Variants in RBBP5 observed in about 807,000 individuals in gnomAD.
RBBP5 encodes the protein retinoblastoma-binding protein 5.
A neutral mutation model predicts 72.2 loss-of-function variants in RBBP5; 5 were observed. That is an observed-to-expected ratio of 0.07 (90% CI 0.04 to 0.15). The LOEUF is 0.15. RBBP5 is among the 10% of genes least tolerant of loss of function. The probability of loss-of-function intolerance (pLI) is 1.00; values close to 1 mark genes in which losing one functional copy is unlikely to be tolerated. For missense variants in RBBP5, 322 were observed against 652.2 expected, an observed-to-expected ratio of 0.49 and a Z score of 5.51; for synonymous variants, 209 against 237.2, an observed-to-expected ratio of 0.88 and a Z score of 1.09.
chr1:205,109,108 G>C (rs1656199899), intron 3 of RBBP5, among the ~76,000 whole-genome samples: 1 of 152,130 alleles, frequency 6.6e-6, no homozygotes, highest in South Asian at 2.1e-4. Flanking sequence ...GACTCTGTGT[G>C]TCTCTTCTAC....
Position 205,088,425 on chromosome 1 carries a change from G to A in RBBP5, c.*362C>T, listed in dbSNP as rs1558567706. 7 of 205,798 alleles carry A rather than the reference G, an allele frequency of 3.4e-5. No individual in the cohort carries two copies. Among genetic ancestry groups the A allele is most frequent in the Middle Eastern group, 1.6e-3 (1 of 616 alleles). 12.7% of individuals were successfully genotyped at this position (205,798 alleles called of 1,614,324 possible). ...GAGGACCGAAGGCAAATGGGAGATA[G>A]GAAATGACATGTCAAAATGACGCTG... is the stretch of plus-strand genomic sequence containing the variant. On this transcript the variant is annotated 3_prime_UTR_variant, in exon 14 of 14. Transcript: ENST00000264515.
intron 5 of RBBP5, among the ~76,000 whole-genome samples, 154 bp downstream of exon 5, chr1:205,103,703 A>G (rs1318633772): frequency 6.6e-6 from 1 of 152,222 alleles, no homozygotes; most frequent in African/African-American, 2.4e-5. Flanking sequence ...AACAAAAATT[A>G]TTATTAAGAG....
chr1:205,095,062 C>T lies in RBBP5; in HGVS notation c.1399G>A (p.Val467Ile). 6.2e-7 allele frequency: 1 copy of T among 1,614,058 alleles called. No individual in the cohort carries two copies. Among genetic ancestry groups the T allele is most frequent in the Middle Eastern group, 1.6e-4 (1 of 6,062 alleles). Residue 467 changes from valine (V) to isoleucine (I), a missense_variant and splice_region_variant, in exon 13 of 14, where the codon GTC becomes ATC. By Grantham distance (29) the Val-to-Ile change is conservative. Coordinates refer to ENST00000264515, the MANE Select transcript of RBBP5 (RefSeq NM_005057.4). ...CCCTTCACACCCAGTAGTGGATGGA[C>T]TTCTGTAGGACAGACAGGCATGGAA... ...IELQGVPNDEVHPLLGVKGDG... is the reference protein window; with the variant it reads ...IELQGVPNDEIHPLLGVKGDG...
chr1:205,114,252 A>G (rs1338039196), intron 3 of RBBP5, among the ~76,000 whole-genome samples: 3 of 152,248 alleles, frequency 2.0e-5, no homozygotes, highest in Admixed American at 2.0e-4. Flanking sequence ...TTCATTTAAA[A>G]AAAATGCTGC....
chr1:205,093,343 C>A (rs1655427782), intron 13 of RBBP5, among the ~76,000 whole-genome samples: 1 of 149,016 alleles, frequency 6.7e-6, no homozygotes, highest in Non-Finnish European at 1.5e-5. Context: ...CGCCTGTAAT[C>A]CCAGCTACTC....
intron 3 of RBBP5, among the ~76,000 whole-genome samples, chr1:205,110,023 T>C (rs1208172321): frequency 6.6e-6 from 1 of 151,792 alleles, no homozygotes; most frequent in Non-Finnish European, 1.5e-5. Flanking sequence ...TACCTACTAG[T>C]TCTGTTTTGT....
chr1:205,097,471 T>C, intron 10 of RBBP5, 76 bp from the exon 11 acceptor site: 1 of 1,356,614 alleles, frequency 7.4e-7, no homozygotes, highest in Non-Finnish European at 1.0e-6. Context: ...AAGGTTTTCA[T>C]AAGTTGAAAT....
At chr1:205,090,751 A>C (rs976851486) in intron 13 of RBBP5, among the ~76,000 whole-genome samples, 12 of 152,174 alleles carry the variant, frequency 7.9e-5, no homozygotes, top group South Asian at 4.1e-4. Flanking sequence ...AGAACACTGA[A>C]TCATGATTTC....
intron 3 of RBBP5, among the ~76,000 whole-genome samples, chr1:205,105,964 C>T (rs1656046893): frequency 6.6e-6 from 1 of 152,210 alleles, no homozygotes; most frequent in Admixed American, 6.5e-5. Context: ...CACCTTTATC[C>T]AGCTATAACA....
intron 3 of RBBP5, among the ~76,000 whole-genome samples, chr1:205,111,742 A>G (rs959153362): frequency 6.6e-6 from 1 of 152,192 alleles, no homozygotes; most frequent in African/African-American, 2.4e-5. Context: ...TTCTAAAATA[A>G]AAGCTCATCA....
chr1:205,096,796 T>C lies in RBBP5; in HGVS notation c.1282A>G (p.Met428Val), dbSNP rs999053907. 1.2e-6 allele frequency: 2 copies of C among 1,614,226 alleles called. No individual in the cohort carries two copies. Residue 428 changes from methionine (M) to valine (V), a missense_variant, in exon 12 of 14, where the codon ATG (methionine) becomes GTG (valine). Physicochemically the swap from Met to Val is conservative, Grantham distance 21 (BLOSUM62 1). Around this residue, in one of 6 missense-constraint regions of RBBP5, gnomAD observed 109 missense variants for 146.3 expected, o/e 0.75. Coordinates refer to ENST00000264515, the MANE Select transcript of RBBP5 (RefSeq NM_005057.4). The stretch of plus-strand genomic sequence containing the variant: ...TTCTCTGAACTAGCCCCTTCATCCA[T>C]CAAGGAGGTTTGGACTGCATCCGGT... ...PPPDAVQTSL[M>V]DEGASSEKKR... is the part of the protein sequence containing the mutation.
At chr1:205,116,540 C>T (rs373794364) in intron 1 of RBBP5, among the ~76,000 whole-genome samples, 1 of 152,122 alleles carries the variant, frequency 6.6e-6, no homozygotes, top group Non-Finnish European at 1.5e-5. Flanking sequence ...AGCAAGGAGC[C>T]GGGCTCGGTG....
intron 13 of RBBP5, among the ~76,000 whole-genome samples, chr1:205,090,680 C>T (rs1462183377): frequency 6.6e-6 from 1 of 152,166 alleles, no homozygotes; most frequent in African/African-American, 2.4e-5. Flanking sequence ...GAAAATTCAG[C>T]TCAAAATGAC....
At position 205,088,703 on chromosome 1, in the gene RBBP5, A is replaced by C. The variant is rs1655220130; in HGVS notation, c.*84T>G. ...GAGGCACAGGCCTTTGTTTTAAATT[A>C]AAGTCAATTTTCAAATGACTGACCA... On this transcript the variant is annotated 3_prime_UTR_variant, in exon 14 of 14. Coordinates refer to ENST00000264515, the MANE Select transcript of RBBP5 (RefSeq NM_005057.4). The C allele has an allele frequency of 2.1e-6, 3 of 1,417,606 alleles. No individual in the cohort carries two copies. The highest frequency in any genetic ancestry group is 2.9e-6 in the Non-Finnish European group (3 of 1,026,050). 87.8% of individuals were successfully genotyped at this position (1,417,606 alleles called of 1,614,324 possible).
Position 205,088,684 on chromosome 1 carries a change from C to T in RBBP5, c.*103G>A. The T allele has an allele frequency of 8.0e-7, 1 of 1,247,016 alleles. No individual in the cohort carries two copies. Among genetic ancestry groups the T allele is most frequent in the Non-Finnish European group, 1.1e-6 (1 of 881,508 alleles). 77.2% of individuals were successfully genotyped at this position (1,247,016 alleles called of 1,614,324 possible). A position where few individuals can be genotyped will look rare whatever the true frequency, so the allele number is the denominator to read the frequency against. On this transcript the variant is annotated 3_prime_UTR_variant, in exon 14 of 14. Transcript: ENST00000264515. Reference sequence around the variant, plus strand: ...CCTCCCACCTCCTGGGTGGGAGGCACAGGCCTTTGTTTTAAATTAAAGTCA... The same window carrying T: ...CCTCCCACCTCCTGGGTGGGAGGCATAGGCCTTTGTTTTAAATTAAAGTCA...
At chr1:205,101,749 A>G (rs1179221115) in intron 5 of RBBP5, 40 bp from the exon 6 acceptor site, 2 of 1,363,138 alleles carry the variant, frequency 1.5e-6, no homozygotes, top group South Asian at 1.2e-5. Flanking sequence ...AAGTGTTCCA[A>G]TAACTAACAA....
chr1:205,112,236 T>C (rs913313331), intron 3 of RBBP5, among the ~76,000 whole-genome samples: 2 of 152,078 alleles, frequency 1.3e-5, no homozygotes, highest in African/African-American at 2.4e-5. Flanking sequence ...GAGAATTGCC[T>C]GAACCCGGGA....
At chr1:205,100,341 T>C (rs1342320146) in intron 6 of RBBP5, 70 bp from the exon 7 acceptor site, 6 of 1,544,754 alleles carry the variant, frequency 3.9e-6, no homozygotes, top group Non-Finnish European at 5.2e-6. Context: ...AAACGACTAA[T>C]AAACTAGGGA....
In RBBP5 at chr1:205,099,959, C is replaced by G. The variant is rs1404619124; in HGVS notation, c.858G>C (p.Leu286=). 3 of 1,614,152 alleles carry G rather than the reference C, an allele frequency of 1.9e-6. No individual in the cohort carries two copies. The Admixed American group carries it at 5.0e-5, about 27-fold the overall frequency. ...LYIWEKSIGN[L]VKILHGTRGE... is the part of the protein sequence containing the mutation. ...CTCTCGTCCCATGGAGAATCTTCAC[C>G]AGGTTGCCAATGCTCTTCTCCCAGA... is the stretch of plus-strand genomic sequence containing the variant. Residue 286 remains leucine (L), a synonymous_variant, in exon 8 of 14, where the codon CTG becomes CTC. Coordinates refer to ENST00000264515, the MANE Select transcript of RBBP5 (RefSeq NM_005057.4). This position sits in a 1 kb window ranked among gnomAD's most constrained non-coding sequence, Gnocchi z 4.7.
Sources: gnomAD v4.1 joint callset for allele counts (sites outside exome capture counted in the v4.1 genomes callset) on GRCh38, gnomAD v4.1.1 for gene constraint, gnomAD v4.1.1 regional missense constraint, Gnocchi (gnomAD v3.1) non-coding constraint, MANE v1.5 for transcripts, NCBI Gene and HGNC (gene_info 2026-07-23, HGNC 2026-07-21) for gene names.